The following INPP4B variants were observed in gnomAD, a reference collection of about 807,000 sequenced individuals.
INPP4B encodes the protein inositol polyphosphate 4-phosphatase type II.
INPP4B carries 55 observed loss-of-function variants against 122.5 expected under a neutral mutation model. The ratio of observed to expected loss-of-function variants is 0.45; its 90% CI spans 0.36 to 0.56. INPP4B has a LOEUF of 0.56. INPP4B is among the 20% of genes least tolerant of loss of function. INPP4B has a pLI of 0.00. For missense variants in INPP4B, 1,000 were observed against 1,097.7 expected (o/e 0.91, Z 1.26); for synonymous variants, 403 against 388.7 (o/e 1.04, Z -0.43).
intron 2 of INPP4B, among the ~76,000 whole-genome samples, chr4:142,692,930 G>GATAGATAGATAC (rs1322306964): frequency 4.7e-5 from 7 of 150,376 alleles, no homozygotes; most frequent in East Asian, 2.0e-4. Flanking sequence ...TAGATAGATA[G>GATAGATAGATAC]ATAGATACAT....
At chr4:142,406,493 T>C (rs1346915507) in intron 5 of INPP4B, among the ~76,000 whole-genome samples, 1 of 152,210 alleles carries the variant, frequency 6.6e-6, no homozygotes, top group African/African-American at 2.4e-5. Flanking sequence ...TTCAATTGTT[T>C]ACAGATAATC....
At chr4:142,330,001 T>G (rs563462462) in intron 7 of INPP4B, among the ~76,000 whole-genome samples, 1 of 152,222 alleles carries the variant, frequency 6.6e-6, no homozygotes, top group African/African-American at 2.4e-5. Context: ...CTGGAAAAAA[T>G]TTATAAACAA....
chr4:142,799,870 C>A (rs752096603), intron 1 of INPP4B, among the ~76,000 whole-genome samples: 1 of 151,760 alleles, frequency 6.6e-6, no homozygotes, highest in Non-Finnish European at 1.5e-5. Context: ...TCTTGTTCTG[C>A]AATAAGTATT....
chr4:142,244,450 C>T (rs564535436), intron 11 of INPP4B, among the ~76,000 whole-genome samples: 4 of 151,832 alleles, frequency 2.6e-5, no homozygotes, highest in Admixed American at 2.6e-4. Context: ...CAGGCGCCCA[C>T]CATCATGCCC....
At chr4:142,384,035 G>A (rs1232418092) in intron 7 of INPP4B, 19 of 700,796 alleles carry the variant, frequency 2.7e-5, no homozygotes, top group South Asian at 2.7e-4. Context: ...TTGAACAGGT[G>A]ACTGAGCAAG....
intron 3 of INPP4B, among the ~76,000 whole-genome samples, chr4:142,450,494 C>T (rs1369430541): frequency 2.0e-5 from 3 of 152,178 alleles, no homozygotes. Context: ...TCACACTTCC[C>T]TTTCCTCCTT....
At chr4:142,050,920 T>C (rs775290383) in intron 25 of INPP4B, among the ~76,000 whole-genome samples, 3 of 152,010 alleles carry the variant, frequency 2.0e-5, no homozygotes, top group Non-Finnish European at 4.4e-5. Context: ...GAGGAACCCA[T>C]AGATTTAATT....
At chr4:142,785,413 T>C (rs187015389) in intron 1 of INPP4B, among the ~76,000 whole-genome samples, 89 of 152,110 alleles carry the variant, frequency 5.9e-4, no homozygotes, top group African/African-American at 2.0e-3. Flanking sequence ...ATAACTAATA[T>C]ATTAAGGGCC....
chr4:142,082,170 T>C lies in INPP4B; in HGVS notation c.2503A>G (p.Asn835Asp). 1 of 1,519,100 alleles carries C rather than the reference T, an allele frequency of 6.6e-7. No homozygotes were observed. Among genetic ancestry groups the C allele is most frequent in the Non-Finnish European group, 9.0e-7 (1 of 1,112,988 alleles). 94.1% of individuals were successfully genotyped at this position (1,519,100 alleles called of 1,614,324 possible). ...WLAATICRKL[N>D]GIRFTCCKSA... ...TTACAACAGGTGAAACGAATACCAT[T>C]CAGTTTGCGGCAAATCTGTAACATA... The change falls in exon 25 of 26, where the codon AAT becomes GAT. Residue 835 changes from asparagine (N) to aspartate (D), a missense_variant. By Grantham distance (23) the Asn-to-Asp change is conservative. Coordinates refer to ENST00000262992, the MANE Select transcript of INPP4B (RefSeq NM_001101669.3).
At chr4:142,144,225 ACACAC>A in intron 18 of INPP4B, among the ~76,000 whole-genome samples, 1 of 864 alleles carries the variant, frequency 1.2e-3, no homozygotes, top group Non-Finnish European at 5.6e-3. Flanking sequence ...TACAAGATAC[ACACAC>A]ACACACACAC....
chr4:142,442,727 C>G (rs1812083339), intron 3 of INPP4B, among the ~76,000 whole-genome samples: 1 of 152,158 alleles, frequency 6.6e-6, no homozygotes, highest in Non-Finnish European at 1.5e-5. Flanking sequence ...ATTTACATGT[C>G]TCCATGGAGC....
intron 3 of INPP4B, among the ~76,000 whole-genome samples, chr4:142,432,406 C>T (rs1049864881): frequency 5.3e-5 from 8 of 151,868 alleles, no homozygotes; most frequent in Non-Finnish European, 7.4e-5. Context: ...AAATTCAAAA[C>T]GCTTCTTGAA....
At chr4:142,680,629 G>A (rs75264532) in intron 2 of INPP4B, among the ~76,000 whole-genome samples, 1,549 of 152,024 alleles carry the variant, frequency 0.01, 11 homozygotes, top group Non-Finnish European at 0.016. Flanking sequence ...CTATTTAGAA[G>A]TGGAAGTCAC....
At chr4:142,383,589 T>C (rs1794942381) in intron 7 of INPP4B, among the ~76,000 whole-genome samples, 1 of 151,976 alleles carries the variant, frequency 6.6e-6, no homozygotes, top group Admixed American at 6.6e-5. Context: ...GCAACTTAAC[T>C]CAACCACTCC....
chr4:142,390,728 C>T (rs1421169448), intron 7 of INPP4B, among the ~76,000 whole-genome samples: 1 of 152,140 alleles, frequency 6.6e-6, no homozygotes, highest in African/African-American at 2.4e-5. Context: ...TATATGGTAT[C>T]ATAATTATAG....
intron 2 of INPP4B, among the ~76,000 whole-genome samples, chr4:142,502,880 C>T (rs960955798): frequency 2.0e-5 from 3 of 152,098 alleles, no homozygotes; most frequent in Admixed American, 6.6e-5. Context: ...AAATAAATAC[C>T]TCCCTTTCTC....
rs1195834632 is a variant in INPP4B, at chr4:142,023,246, A to G, written c.*5536T>C. 2 of 152,308 alleles carry G rather than the reference A, an allele frequency of 1.3e-5. No homozygotes were observed. The highest frequency in any genetic ancestry group is 3.9e-4 in the East Asian group (2 of 5,184). 9.4% of individuals were successfully genotyped at this position (152,308 alleles called of 1,614,324 possible). A position where few individuals can be genotyped will look rare whatever the true frequency, so the allele number is the denominator to read the frequency against. ...TACACAGAACAATAAAACAAAAATG[A>G]TATCTCTTAAATGCCAACATAAAAT... On this transcript the variant is annotated 3_prime_UTR_variant, in exon 26 of 26. Transcript: ENST00000262992.
intron 3 of INPP4B, among the ~76,000 whole-genome samples, chr4:142,440,007 AT>A (rs376041615): frequency 1.1e-4 from 16 of 152,274 alleles, no homozygotes; most frequent in African/African-American, 1.4e-4. Flanking sequence ...ATAGATATAC[AT>A]TTTTTCCTCT....
chr4:142,793,894 C>A lies in INPP4B; in HGVS notation c.-254+52315G>T, dbSNP rs765034108. ...TTTCTGAAAATACTATAAAGCTTTACAAAATATTAAAGGAAACTAAACAAA... is the reference window on the plus strand; with the variant it reads ...TTTCTGAAAATACTATAAAGCTTTAAAAAATATTAAAGGAAACTAAACAAA... On this transcript the variant is annotated intron_variant, in intron 1 of 25. Coordinates refer to ENST00000262992, the MANE Select transcript of INPP4B (RefSeq NM_001101669.3). 2.4e-4 allele frequency among the ~76,000 whole-genome samples: 36 copies of A among 151,566 alleles called. 1 individual carries two copies. Among genetic ancestry groups the A allele is most frequent in the African/African-American group, 4.8e-4 (20 of 41,280 alleles).
Sources: allele counts gnomAD v4.1 joint callset (sites outside exome capture counted in the v4.1 genomes callset), GRCh38; gene constraint gnomAD v4.1.1; transcripts MANE v1.5; gene names NCBI Gene and HGNC (gene_info 2026-07-23, HGNC 2026-07-21).